SEMA3C: variants seen among roughly 807,000 people sequenced by gnomAD.
SEMA3C encodes semaphorin 3C.
SEMA3C carries 47 observed loss-of-function variants against 89.4 expected under a neutral mutation model. The observed-to-expected ratio is 0.53, with a 90% CI of 0.42 to 0.67. The LOEUF (loss-of-function observed/expected upper bound fraction) is 0.67. SEMA3C is among the 30% of genes least tolerant of loss of function. The pLI, the probability that SEMA3C is intolerant of heterozygous loss-of-function variation, is 0.00. For synonymous variants in SEMA3C, 310 were observed against 320.2 expected (o/e 0.97, Z 0.34); for missense variants, 839 against 929.1 (o/e 0.90, Z 1.26).
intron 2 of SEMA3C, among the ~76,000 whole-genome samples, chr7:80,904,859 C>T (rs1394555289): frequency 1.3e-5 from 2 of 152,076 alleles, no homozygotes; most frequent in African/African-American, 4.8e-5. Context: ...TTCTAGGTAA[C>T]GTACAGCCAA....
chr7:80,898,724 C>T (rs191037812), intron 2 of SEMA3C, among the ~76,000 whole-genome samples: 3 of 151,222 alleles, frequency 2.0e-5, no homozygotes, highest in East Asian at 3.9e-4. Context: ...TAGGTTTTCA[C>T]TGAAATTACA....
At chr7:80,893,271 T>C (rs868112362) in intron 2 of SEMA3C, among the ~76,000 whole-genome samples, 2 of 152,280 alleles carry the variant, frequency 1.3e-5, no homozygotes, top group Middle Eastern at 6.8e-3. Flanking sequence ...CCAGCCCCAT[T>C]TGTCTGAGTC....
At chr7:80,904,866 C>T (rs1020210293) in intron 2 of SEMA3C, among the ~76,000 whole-genome samples, 2 of 152,100 alleles carry the variant, frequency 1.3e-5, no homozygotes, top group African/African-American at 4.8e-5. Flanking sequence ...TAACGTACAG[C>T]CAAGGTTGAG....
At chr7:80,877,927 G>C (rs1791238467) in intron 2 of SEMA3C, among the ~76,000 whole-genome samples, 1 of 152,084 alleles carries the variant, frequency 6.6e-6, no homozygotes, top group African/African-American at 2.4e-5. Context: ...CCCACTCAAG[G>C]TGAGCTTATT....
At chr7:80,832,764 T>C (rs1477674253) in intron 2 of SEMA3C, among the ~76,000 whole-genome samples, 3 of 152,218 alleles carry the variant, frequency 2.0e-5, no homozygotes, top group South Asian at 2.1e-4. Flanking sequence ...TAAGAAATCA[T>C]TGAGTTACTG....
chr7:80,801,294 G>C (rs977515579), intron 9 of SEMA3C, among the ~76,000 whole-genome samples: 2 of 152,036 alleles, frequency 1.3e-5, no homozygotes, highest in Non-Finnish European at 2.9e-5. Flanking sequence ...AATCTTAGGA[G>C]CTGGAAGATG....
chr7:80,745,368 C>A (rs1047319826), intron 17 of SEMA3C, 61 bp from the exon 18 acceptor site: 125 of 1,455,040 alleles, frequency 8.6e-5, no homozygotes, highest in Non-Finnish European at 1.2e-4. Context: ...AGATTATGAC[C>A]AACATACACA....
At chr7:80,756,121 A>G (rs1364022091) in intron 15 of SEMA3C, among the ~76,000 whole-genome samples, 2 of 152,212 alleles carry the variant, frequency 1.3e-5, no homozygotes, top group Non-Finnish European at 2.9e-5. Context: ...GTGTGTGAAC[A>G]TCTTATAGAT....
chr7:80,889,433 C>G (rs1029191634), intron 2 of SEMA3C, among the ~76,000 whole-genome samples: 1 of 152,050 alleles, frequency 6.6e-6, no homozygotes, highest in Non-Finnish European at 1.5e-5. Flanking sequence ...ACATAATTTA[C>G]TATCAATATA....
intron 2 of SEMA3C, among the ~76,000 whole-genome samples, chr7:80,844,701 C>T (rs1478454378): frequency 6.6e-6 from 1 of 152,096 alleles, no homozygotes; most frequent in Non-Finnish European, 1.5e-5. Flanking sequence ...CTCAAGGTCA[C>T]ACAAGTAAAA....
rs36066966 is a variant in SEMA3C, at chr7:80,827,392, G to GTTT, written c.327+30_327+32dup. 6.6e-3 allele frequency: 8,071 copies of GTTT among 1,226,100 alleles called. 9 individuals carry two copies. The highest frequency in any genetic ancestry group is 0.014 in the South Asian group (775 of 55,244). The allele number at this position is 1,226,100 out of a possible 1,614,324, so 76.0% of individuals were successfully genotyped here. ...TCGAAAACCAAATATTTAAGTTAGTGTTTTTTTTTTTTTTTTTTTTTTTAA... is the reference window on the plus strand; with the variant it reads ...TCGAAAACCAAATATTTAAGTTAGTGTTTTTTTTTTTTTTTTTTTTTTTTTTAA... On this transcript the variant is annotated intron_variant, in intron 4 of 17. Transcript: ENST00000265361.
chr7:80,872,880 T>C (rs1348733003), intron 2 of SEMA3C, among the ~76,000 whole-genome samples: 1 of 134,682 alleles, frequency 7.4e-6, no homozygotes, highest in East Asian at 2.2e-4. Flanking sequence ...ACCTGTCACA[T>C]AGCTTTTGGA....
At chr7:80,878,705 A>G (rs1040129233) in intron 2 of SEMA3C, among the ~76,000 whole-genome samples, 1 of 152,120 alleles carries the variant, frequency 6.6e-6, no homozygotes, top group Non-Finnish European at 1.5e-5. Flanking sequence ...TTTCTTGCAT[A>G]TAAAAATATT....
chr7:80,817,022 G>A (rs905531814), intron 5 of SEMA3C, among the ~76,000 whole-genome samples: 2 of 152,228 alleles, frequency 1.3e-5, no homozygotes, highest in Non-Finnish European at 2.9e-5. Context: ...GTCTAAGGCA[G>A]TAGTTTACTT....
intron 12 of SEMA3C, among the ~76,000 whole-genome samples, chr7:80,765,582 G>A (rs199584667): frequency 1.9e-5 from 2 of 105,404 alleles, no homozygotes; most frequent in Non-Finnish European, 3.8e-5. Flanking sequence ...GTTTTGTTTT[G>A]TTTTGTTTGT....
At chr7:80,846,226 T>C (rs7795231) in intron 2 of SEMA3C, among the ~76,000 whole-genome samples, 40,314 of 152,058 alleles carry the variant, frequency 0.27, 5,885 homozygotes, top group African/African-American at 0.39. Context: ...CTGGTATTTT[T>C]TCCTTGATCT....
intron 13 of SEMA3C, among the ~76,000 whole-genome samples, chr7:80,762,353 C>T (rs974965022): frequency 6.6e-6 from 1 of 152,044 alleles, no homozygotes; most frequent in African/African-American, 2.4e-5. Context: ...TAGGCTGAAC[C>T]ATACTAGTTA....
upstream of SEMA3C, chr7:80,919,335 T>C (rs966982810): frequency 3.0e-4 from 297 of 985,198 alleles, no homozygotes; most frequent in Non-Finnish European, 3.5e-4. Flanking sequence ...TCCGCAACCC[T>C]GCTCCTTTCG....
At chr7:80,818,219 C>T in intron 5 of SEMA3C, 80 bp downstream of exon 5, 2 of 1,326,388 alleles carry the variant, frequency 1.5e-6, no homozygotes, top group Non-Finnish European at 2.1e-6. Context: ...TTGATATGTC[C>T]AAGTTTTTAC....
Sources: allele counts gnomAD v4.1 joint callset (sites outside exome capture counted in the v4.1 genomes callset), GRCh38; gene constraint gnomAD v4.1.1; transcripts MANE v1.5; gene names NCBI Gene and HGNC (gene_info 2026-07-23, HGNC 2026-07-21).